The following PRICKLE3 variants were observed in gnomAD, a reference collection of about 807,000 sequenced individuals.
The protein encoded by PRICKLE3 is prickle planar cell polarity protein 3, also known as LIM domain only protein 6.
A neutral mutation model predicts 33.8 loss-of-function variants in PRICKLE3; 17 were observed. The ratio of observed to expected loss-of-function variants is 0.50; its 90% confidence interval spans 0.34 to 0.75. The LOEUF (loss-of-function observed/expected upper bound fraction) is 0.75. Ranked by LOEUF, PRICKLE3 falls within the 30% of genes least tolerant of loss-of-function variation. The pLI is 0.01. For synonymous variants in PRICKLE3, 211 were observed against 219.6 expected (o/e 0.96, Z 0.34); for missense variants, 573 against 576.7 (o/e 0.99, Z 0.07).
In PRICKLE3 at chrX:49,175,803, T is replaced by A; in HGVS notation, c.1718A>T (p.His573Leu). ...FLGERIPLPP[H>L]LCRPMPAQDT... ...CTGAGCAGGCATGGGCCTGCACAAATGCGGGGGCAGAGGGATGCGCTCTCC... is the reference window on the plus strand; with the variant it reads ...CTGAGCAGGCATGGGCCTGCACAAAAGCGGGGGCAGAGGGATGCGCTCTCC... The change falls in exon 9 of 9, where the codon CAT becomes CTT. Residue 573 changes from histidine (H) to leucine (L), a missense_variant. His to Leu is a moderately conservative substitution (Grantham distance 99). Coordinates refer to ENST00000599218, the MANE Select transcript of PRICKLE3 (RefSeq NM_006150.5). 1.7e-6 allele frequency: 2 copies of A among 1,211,991 alleles called. No homozygotes were observed. Among genetic ancestry groups the A allele is most frequent in the Non-Finnish European group, 2.2e-6 (2 of 895,476 alleles).
intron 2 of PRICKLE3, 48 bp downstream of exon 2, chrX:49,184,577 G>A (rs1557101617): frequency 9.6e-7 from 1 of 1,041,595 alleles, no homozygotes; most frequent in East Asian, 3.6e-5. Context: ...ATTTCCCCCC[G>A]AAGGCGGAGC....
rs200135955 is a variant in PRICKLE3 at position 49,179,282 on chromosome X, G to A, written c.533C>T (p.Pro178Leu). 6.6e-6 allele frequency: 8 copies of A among 1,209,552 alleles called. No homozygotes were observed. Among genetic ancestry groups the A allele is most frequent in the South Asian group, 3.5e-5 (2 of 56,681 alleles). ...NLGRGIVRIFPVTITGAICEE... is the reference protein window; with the variant it reads ...NLGRGIVRIFLVTITGAICEE... ...ACAGATGGCCCCAGTGATGGTCACCGGGAAGATGCGCACGATGCCACGCCC... is the reference window on the plus strand; with the variant it reads ...ACAGATGGCCCCAGTGATGGTCACCAGGAAGATGCGCACGATGCCACGCCC... The change falls in exon 5 of 9, where the codon CCG becomes CTG. Residue 178 changes from proline (P) to leucine (L), a missense_variant. Coordinates refer to ENST00000599218, the MANE Select transcript of PRICKLE3 (RefSeq NM_006150.5).
chrX:49,181,051 C>G (rs782263447), intron 3 of PRICKLE3, among the ~76,000 whole-genome samples: 2 of 110,032 alleles, frequency 1.8e-5, no homozygotes, highest in African/African-American at 6.6e-5. Context: ...CCCACCCCCA[C>G]AAGCAAATCC....
At position 49,177,997 on chromosome X, in the gene PRICKLE3, G is replaced by A. The variant is rs1166862286; in HGVS notation, c.951C>T (p.His317=). Residue 317 remains histidine, a synonymous_variant, in exon 7 of 9, where the codon CAC becomes CAT. Coordinates refer to ENST00000599218, the MANE Select transcript of PRICKLE3 (RefSeq NM_006150.5). ...HAEYCDGCGE[H]IGLDQGQMAY... ...AGTCCCACAGCATTCACCCACCGATGTGCTCCCCACAGCCATCACAGTACT... is the reference window on the plus strand; with the variant it reads ...AGTCCCACAGCATTCACCCACCGATATGCTCCCCACAGCCATCACAGTACT... The A allele has an allele frequency of 1.8e-6, 2 of 1,141,973 alleles. No homozygotes were observed. The highest frequency in any genetic ancestry group is 3.0e-5 in the East Asian group (1 of 33,136). 94.1% of individuals were successfully genotyped at this position (1,141,973 alleles called of 1,213,427 possible). A position where few individuals can be genotyped will look rare whatever the true frequency, so the allele number is the denominator to read the frequency against.
At chrX:49,178,808 G>A (rs1302335767) in intron 5 of PRICKLE3, among the ~76,000 whole-genome samples, 2 of 111,499 alleles carry the variant, frequency 1.8e-5, no homozygotes, top group Non-Finnish European at 3.8e-5. Context: ...TCCACCCACC[G>A]GGACCTTAGC....
intron 8 of PRICKLE3, 123 bp downstream of exon 8, chrX:49,176,780 G>T: frequency 1.4e-6 from 1 of 718,843 alleles, no homozygotes; most frequent in Non-Finnish European, 1.9e-6. Flanking sequence ...AAATGGGCGG[G>T]GCCCAGGGAT....
chrX:49,176,617 G>C (rs1170672887), intron 8 of PRICKLE3, among the ~76,000 whole-genome samples: 1 of 108,847 alleles, frequency 9.2e-6, no homozygotes, highest in Non-Finnish European at 1.9e-5. Flanking sequence ...TGACCGGCTG[G>C]AGAAGAGGAA....
At chrX:49,180,864 C>T (rs2065445447) in intron 3 of PRICKLE3, among the ~76,000 whole-genome samples, 1 of 111,501 alleles carries the variant, frequency 9.0e-6, no homozygotes. Flanking sequence ...ACGTCCAGCT[C>T]TGTAACTTAT....
At chrX:49,183,104 G>A (rs2065465227) in intron 3 of PRICKLE3, among the ~76,000 whole-genome samples, 1 of 112,153 alleles carries the variant, frequency 8.9e-6, no homozygotes, top group African/African-American at 3.2e-5. Context: ...GATTACAGGC[G>A]TGAGCCACCG....
rs782752844 is a variant in PRICKLE3, at chrX:49,176,026, T to G, written c.1495A>C (p.Arg499=). The change falls in exon 9 of 9, where the codon AGG becomes CGG. Residue 499 remains arginine, a synonymous_variant. Transcript: ENST00000599218. Reference sequence around the variant, plus strand: ...GCCCTGGGTGGGGGACTGCGTGGCCTGCGGCGCTGGGCCGGGGGTGCACTC... The same window carrying G: ...GCCCTGGGTGGGGGACTGCGTGGCCGGCGGCGCTGGGCCGGGGGTGCACTC... ...TLSAPPAQRR[R]PRSPPPRAPS... The G allele has an allele frequency of 4.1e-6, 5 of 1,206,661 alleles. No homozygotes were observed. In the East Asian group the frequency reaches 1.2e-4, roughly 29 times the overall value.
chrX:49,179,466 G>A (rs781951057), intron 4 of PRICKLE3, 78 bp from the exon 5 acceptor site: 11 of 1,148,223 alleles, frequency 9.6e-6, no homozygotes, highest in East Asian at 9.2e-5. Flanking sequence ...TCCATGCCCC[G>A]AAAGTTTACT....
In PRICKLE3 at chrX:49,184,943, C is replaced by T. The variant is rs782237576; in HGVS notation, c.43-233G>A. ...TATATGTCCCCTTTTCAGGGAATTCCCCTTCCTAGGCTGGCCTCGGACCCC... is the reference window on the plus strand; with the variant it reads ...TATATGTCCCCTTTTCAGGGAATTCTCCTTCCTAGGCTGGCCTCGGACCCC... On this transcript the variant is annotated intron_variant, in intron 1 of 8. Coordinates refer to ENST00000599218, the MANE Select transcript of PRICKLE3 (RefSeq NM_006150.5). 6.6e-6 allele frequency: 7 copies of T among 1,068,035 alleles called. No homozygotes were observed. The East Asian group carries it at 2.2e-4, about 33-fold the overall frequency. 88.0% of individuals were successfully genotyped at this position (1,068,035 alleles called of 1,213,427 possible). A position where few individuals can be genotyped will look rare whatever the true frequency, so the allele number is the denominator to read the frequency against.
At chrX:49,176,316 C>T in intron 8 of PRICKLE3, 51 bp from the exon 9 acceptor site, 4 of 972,907 alleles carry the variant, frequency 4.1e-6, no homozygotes, top group Non-Finnish European at 2.8e-6. Context: ...CCCACTGGCC[C>T]CCTCCTAAGA....
intron 3 of PRICKLE3, among the ~76,000 whole-genome samples, chrX:49,182,072 G>C (rs1412581025): frequency 9.2e-6 from 1 of 108,723 alleles, no homozygotes; most frequent in Admixed American, 9.9e-5. Flanking sequence ...TCAGCCTCCC[G>C]AGTAGCTGGG....
At position 49,184,429 on chromosome X, in the gene PRICKLE3, G is replaced by A. The variant is rs781914904; in HGVS notation, c.128+196C>T. On this transcript the variant is annotated intron_variant, in intron 2 of 8. Transcript: ENST00000599218. ...CTTCTGGGGGCGGGGCTGCGTAGTG[G>A]GTGGAGCTCTCCTGGGAAAGGACTT... 9.8e-5 allele frequency among the ~76,000 whole-genome samples: 11 copies of A among 111,943 alleles called. No individual in the cohort carries two copies. In the East Asian group the frequency reaches 2.3e-3, roughly 23 times the overall value.
chrX:49,185,729 T>C (rs1602605887), intron 1 of PRICKLE3, among the ~76,000 whole-genome samples: 1 of 109,453 alleles, frequency 9.1e-6, no homozygotes, highest in East Asian at 2.9e-4. Context: ...GGTGAAACCT[T>C]GTCTCTACTA....
At position 49,177,214 on chromosome X, in the gene PRICKLE3, G is replaced by A. The variant is rs782143008; in HGVS notation, c.956-12C>T. On this transcript the variant is annotated splice_polypyrimidine_tract_variant and intron_variant, in intron 7 of 8. Coordinates refer to ENST00000599218, the MANE Select transcript of PRICKLE3 (RefSeq NM_006150.5). ...GCCTTGGTCCAGGCCTGTGGGGAACGACGAGGGGGAAAAACTGAGGCAGAA... is the reference window on the plus strand; with the variant it reads ...GCCTTGGTCCAGGCCTGTGGGGAACAACGAGGGGGAAAAACTGAGGCAGAA... The A allele has an allele frequency of 5.3e-6, 6 of 1,130,979 alleles. No homozygotes were observed. Among genetic ancestry groups the A allele is most frequent in the East Asian group, 3.2e-5 (1 of 31,547 alleles). 93.2% of individuals were successfully genotyped at this position (1,130,979 alleles called of 1,213,427 possible). A position where few individuals can be genotyped will look rare whatever the true frequency, so the allele number is the denominator to read the frequency against.
chrX:49,185,439 T>C (rs998140686), intron 1 of PRICKLE3, among the ~76,000 whole-genome samples: 3 of 111,386 alleles, frequency 2.7e-5, no homozygotes, highest in Non-Finnish European at 3.8e-5. Context: ...CCAAAGGAAG[T>C]GAAAGAACCT....
At chrX:49,178,592 A>G in intron 5 of PRICKLE3, 117 bp from the exon 6 acceptor site, 1 of 744,901 alleles carries the variant, frequency 1.3e-6, no homozygotes. Context: ...CTTTGTGATC[A>G]GCCCCACCCA....
Sources: allele counts gnomAD v4.1 joint callset (sites outside exome capture counted in the v4.1 genomes callset), GRCh38; gene constraint gnomAD v4.1.1; transcripts MANE v1.5; gene names NCBI Gene and HGNC (gene_info 2026-07-23, HGNC 2026-07-21).